UBE2K: variants seen among roughly 807,000 people sequenced by gnomAD.
UBE2K encodes ubiquitin-conjugating enzyme E2 K.
A neutral mutation model predicts 30.0 loss-of-function variants in UBE2K; 6 were observed. The ratio of observed to expected loss-of-function variants is 0.20; its 90% CI spans 0.11 to 0.39. UBE2K has a LOEUF of 0.39. Ranked by LOEUF, UBE2K falls within the 10% of genes least tolerant of loss-of-function variation. The pLI is 1.00. For missense variants in UBE2K, 61 were observed against 241.6 expected (o/e 0.25, Z 4.96); for synonymous variants, 86 against 83.7 (o/e 1.03, Z -0.15).
chr4:39,699,543 C>T lies in UBE2K; in HGVS notation c.63+1153C>T, dbSNP rs547263772. 2.0e-5 allele frequency among the ~76,000 whole-genome samples: 3 copies of T among 152,288 alleles called. No individual in the cohort carries two copies. The South Asian group carries it at 6.2e-4, about 32-fold the overall frequency. On this transcript the variant is annotated intron_variant, in intron 1 of 6. Transcript: ENST00000261427. ...TTATGCAAGTATTAGTACAGTTTCT[C>T]ATACCAAGATCAACAAGAATGCCAG... is the stretch of plus-strand genomic sequence containing the variant.
At chr4:39,776,676 T>G (rs1391019696) in intron 5 of UBE2K, among the ~76,000 whole-genome samples, 2 of 152,172 alleles carry the variant, frequency 1.3e-5, no homozygotes, top group South Asian at 2.1e-4. Flanking sequence ...TATATTATCT[T>G]TCTTCTTTTC....
intron 4 of UBE2K, chr4:39,770,519 C>T (rs1287146058): frequency 6.2e-7 from 1 of 1,605,362 alleles, no homozygotes. Context: ...CCTGGCTGCC[C>T]CCCGCCCCCC....
At chr4:39,726,013 G>C (rs954057885) in intron 1 of UBE2K, among the ~76,000 whole-genome samples, 1 of 152,082 alleles carries the variant, frequency 6.6e-6, no homozygotes, top group African/African-American at 2.4e-5. Context: ...AGTTGTGGAG[G>C]CTAGAAGTTG....
chr4:39,731,113 G>A (rs7654219), intron 1 of UBE2K, among the ~76,000 whole-genome samples: 1 of 151,994 alleles, frequency 6.6e-6, no homozygotes, highest in African/African-American at 2.4e-5. Context: ...AGCTGGTCTC[G>A]AACTCCTGAC....
intron 1 of UBE2K, among the ~76,000 whole-genome samples, chr4:39,701,298 TAAGTA>T (rs1345066939): frequency 6.6e-6 from 1 of 152,218 alleles, no homozygotes; most frequent in African/African-American, 2.4e-5. Flanking sequence ...TAGGATTACA[TAAGTA>T]AATTATTAAT....
intron 4 of UBE2K, among the ~76,000 whole-genome samples, chr4:39,772,816 C>G (rs1261274245): frequency 6.6e-6 from 1 of 151,582 alleles, no homozygotes; most frequent in Non-Finnish European, 1.5e-5. Context: ...GCCACCTGAG[C>G]AGCTGGGATT....
chr4:39,767,654 T>C (rs796189043), intron 4 of UBE2K, among the ~76,000 whole-genome samples: 2 of 152,178 alleles, frequency 1.3e-5, no homozygotes, highest in African/African-American at 4.8e-5. Flanking sequence ...AAAGTGTTTA[T>C]TGCCTTGTTG....
chr4:39,777,942 A>G (rs1578517002), intron 6 of UBE2K, 132 bp downstream of exon 6: 1 of 822,010 alleles, frequency 1.2e-6, no homozygotes, highest in Non-Finnish European at 1.7e-6. Context: ...ACCCATCTCT[A>G]CAAAAATTAG....
chr4:39,742,847 C>G (rs1720777360), intron 2 of UBE2K, among the ~76,000 whole-genome samples: 1 of 152,026 alleles, frequency 6.6e-6, no homozygotes, highest in African/African-American at 2.4e-5. Flanking sequence ...GAAGTTCAAG[C>G]CCAGCCTGAC....
intron 1 of UBE2K, among the ~76,000 whole-genome samples, chr4:39,707,943 C>G (rs1249826077): frequency 6.6e-6 from 1 of 151,802 alleles, no homozygotes; most frequent in Non-Finnish European, 1.5e-5. Context: ...GTTGCCCAGG[C>G]TGGAGTGCAG....
At chr4:39,771,675 G>T (rs1180086809) in intron 4 of UBE2K, among the ~76,000 whole-genome samples, 1 of 152,098 alleles carries the variant, frequency 6.6e-6, no homozygotes, top group Non-Finnish European at 1.5e-5. Context: ...CCTCGCGCGC[G>T]CGGCGACGGC....
chr4:39,738,330 T>G (rs1354709668), intron 2 of UBE2K, among the ~76,000 whole-genome samples: 2 of 152,234 alleles, frequency 1.3e-5, no homozygotes, highest in Non-Finnish European at 2.9e-5. Context: ...CAACGATTGC[T>G]GTTTCATAGA....
rs545699919 is a variant in UBE2K at position 39,741,150 on chromosome 4, A to G, written c.157+3637A>G. 3.9e-5 allele frequency among the ~76,000 whole-genome samples: 6 copies of G among 152,086 alleles called. No individual in the cohort carries two copies. In the South Asian group the frequency reaches 1.2e-3, roughly 32 times the overall value. On this transcript the variant is annotated intron_variant, in intron 2 of 6. Transcript: ENST00000261427. ...GCTGGGTGTGGTGGCGTGCGCCTAT[A>G]ATCCCAGCTACTCAGGAGGCTGAGG...
chr4:39,703,476 G>A (rs189778489), intron 1 of UBE2K, among the ~76,000 whole-genome samples: 82 of 152,170 alleles, frequency 5.4e-4, no homozygotes, highest in African/African-American at 1.7e-3. Flanking sequence ...TCATGTGACC[G>A]CACTTTAGCC....
intron 1 of UBE2K, among the ~76,000 whole-genome samples, chr4:39,705,054 T>G (rs58743804): frequency 0.13 from 19,721 of 150,560 alleles, 1,490 homozygotes; most frequent in East Asian, 0.22. Context: ...TTTTTGTTTT[T>G]TTTTGTTTTT....
At position 39,739,521 on chromosome 4, in the gene UBE2K, A is replaced by G. The variant is rs182857298; in HGVS notation, c.157+2008A>G. ...GAGTGCAGTGGTACGATCTTGGCTC[A>G]CTGCAACCTCCGCCTCCCGGGTTCA... On this transcript the variant is annotated intron_variant, in intron 2 of 6. Coordinates refer to ENST00000261427, the MANE Select transcript of UBE2K (RefSeq NM_005339.5). Among the ~76,000 whole-genome samples, 1,251 of 131,384 alleles carry G rather than the reference A, an allele frequency of 9.5e-3. 4 individuals carry two copies. The highest frequency in any genetic ancestry group is 0.032 in the Middle Eastern group (6 of 188). The allele number at this position is 131,384 out of a possible 152,430, so 86.2% of individuals were successfully genotyped here. A position where few individuals can be genotyped will look rare whatever the true frequency, so the allele number is the denominator to read the frequency against.
At chr4:39,718,817 C>T (rs950704067) in intron 1 of UBE2K, among the ~76,000 whole-genome samples, 1 of 152,272 alleles carries the variant, frequency 6.6e-6, no homozygotes, top group African/African-American at 2.4e-5. Context: ...GCCAAGCCCA[C>T]GCCCACCTGG....
At chr4:39,756,876 AC>A (rs1721540647) in intron 4 of UBE2K, among the ~76,000 whole-genome samples, 1 of 152,166 alleles carries the variant, frequency 6.6e-6, no homozygotes, top group African/African-American at 2.4e-5. Flanking sequence ...ACAAAATAGA[AC>A]AGCAGTTGGT....
intron 1 of UBE2K, among the ~76,000 whole-genome samples, chr4:39,706,802 A>C (rs1718393235): frequency 6.6e-6 from 1 of 151,668 alleles, no homozygotes; most frequent in Non-Finnish European, 1.5e-5. Flanking sequence ...CCACAGCCCC[A>C]AAAGGCTTAA....
Sources: allele counts gnomAD v4.1 joint callset (sites outside exome capture counted in the v4.1 genomes callset), GRCh38; gene constraint gnomAD v4.1.1; transcripts MANE v1.5; gene names NCBI Gene and HGNC (gene_info 2026-07-23, HGNC 2026-07-21).